The following RBM33 variants were observed in gnomAD, a reference collection of about 807,000 sequenced individuals.
RBM33 encodes the protein RNA-binding protein 33.
A neutral mutation model predicts 132.6 loss-of-function variants in RBM33; 28 were observed. The observed-to-expected ratio is 0.21, with a 90% CI of 0.16 to 0.29. RBM33 has a LOEUF of 0.29. RBM33 is among the 10% of genes least tolerant of loss of function. The pLI is 1.00. For missense variants in RBM33, 1,291 were observed against 1,518.5 expected, an observed-to-expected ratio of 0.85 and a Z score of 2.49; for synonymous variants, 634 against 593.0, an observed-to-expected ratio of 1.07 and a Z score of -1.01.
At chr7:155,739,400 A>G in intron 11 of RBM33, 1 of 284,626 alleles carries the variant, frequency 3.5e-6, no homozygotes, top group African/African-American at 2.2e-5. Context: ...GCATGTGTGT[A>G]TACTGGTTTC....
At chr7:155,753,666 G>A (rs1024566051) in intron 14 of RBM33, among the ~76,000 whole-genome samples, 1 of 152,176 alleles carries the variant, frequency 6.6e-6, no homozygotes, top group African/African-American at 2.4e-5. Flanking sequence ...GGCCAGTTCT[G>A]GGAAGACTAG....
At chr7:155,673,364 T>C (rs1263578930) in intron 3 of RBM33, among the ~76,000 whole-genome samples, 4 of 151,916 alleles carry the variant, frequency 2.6e-5, no homozygotes, top group Middle Eastern at 3.4e-3. Context: ...CTAAATCTTT[T>C]TGATGAAATA....
At chr7:155,746,239 A>G (rs1466938222) in intron 14 of RBM33, among the ~76,000 whole-genome samples, 1 of 152,198 alleles carries the variant, frequency 6.6e-6, no homozygotes, top group Non-Finnish European at 1.5e-5. Flanking sequence ...TTTGTGGTGT[A>G]TAGCTTTAGA....
chr7:155,655,681 T>TA (rs1422062813), intron 1 of RBM33, among the ~76,000 whole-genome samples: 1 of 152,050 alleles, frequency 6.6e-6, no homozygotes, highest in Non-Finnish European at 1.5e-5. Flanking sequence ...AAAGTGCATT[T>TA]AAAAAATCTT....
At chr7:155,744,161 A>G (rs575597393) in intron 13 of RBM33, among the ~76,000 whole-genome samples, 1 of 152,372 alleles carries the variant, frequency 6.6e-6, no homozygotes, top group East Asian at 1.9e-4. Flanking sequence ...AAATAGCTGA[A>G]TTCTAGATAG....
chr7:155,698,724 T>C (rs965010398), intron 5 of RBM33, among the ~76,000 whole-genome samples: 5 of 152,240 alleles, frequency 3.3e-5, no homozygotes, highest in African/African-American at 1.2e-4. Flanking sequence ...TGGTTACCAG[T>C]GTAATTTTGT....
Position 155,774,933 on chromosome 7 carries a change from T to G in RBM33, c.3465-60T>G. 1 of 1,520,712 alleles carries G rather than the reference T, an allele frequency of 6.6e-7. No homozygotes were observed. 94.2% of individuals were successfully genotyped at this position (1,520,712 alleles called of 1,614,324 possible). ...CGGGCTCTTTTAGTTTCCTCCCACC[T>G]TGGTAGGTTGATTGCCGATGTGCAG... On this transcript the variant is annotated intron_variant, in intron 17 of 17. Coordinates refer to ENST00000401878, the MANE Select transcript of RBM33 (RefSeq NM_053043.3). The surrounding 1 kb of genome is among the most constrained non-coding windows in gnomAD (Gnocchi z 4.2).
chr7:155,690,722 T>C lies in RBM33; in HGVS notation c.567+9814T>C, dbSNP rs199747606. ...TAAAGAATTTTATTTCTCCTTCACT[T>C]ATGAAGCTTAGTTTGGCTGGATATG... On this transcript the variant is annotated intron_variant, in intron 5 of 17. Transcript: ENST00000401878. Among the ~76,000 whole-genome samples the C allele has an allele frequency of 5.9e-5, 9 of 152,318 alleles. No individual in the cohort carries two copies. In the East Asian group the frequency reaches 1.7e-3, roughly 29 times the overall value.
At position 155,774,885 on chromosome 7, in the gene RBM33, C is replaced by T. The variant is rs1010814992; in HGVS notation, c.3465-108C>T. 6.1e-5 allele frequency: 60 copies of T among 977,358 alleles called. 1 individual carries two copies. In the Middle Eastern group the frequency reaches 1.2e-3, roughly 19 times the overall value. 60.5% of individuals were successfully genotyped at this position (977,358 alleles called of 1,614,324 possible). On this transcript the variant is annotated intron_variant, in intron 17 of 17. Transcript: ENST00000401878. This position sits in a 1 kb window ranked among gnomAD's most constrained non-coding sequence, Gnocchi z 4.2. ...GGGGAATCTGCCTTTTTATATGATGCGTTTTTATTAAACAGGACCCACCGG... is the reference window on the plus strand; with the variant it reads ...GGGGAATCTGCCTTTTTATATGATGTGTTTTTATTAAACAGGACCCACCGG...
chr7:155,706,721 T>A, intron 6 of RBM33, 139 bp from the exon 7 acceptor site: 1 of 646,726 alleles, frequency 1.5e-6, no homozygotes, highest in Non-Finnish European at 2.7e-6. Flanking sequence ...TACTTGCCGC[T>A]GCTAGTTGGG....
intron 1 of RBM33, among the ~76,000 whole-genome samples, chr7:155,651,195 G>A (rs1432675540): frequency 6.6e-6 from 1 of 152,106 alleles, no homozygotes; most frequent in Non-Finnish European, 1.5e-5. Context: ...TCTTGAGTGT[G>A]TGTGTTGAAG....
intron 13 of RBM33, among the ~76,000 whole-genome samples, chr7:155,743,658 G>A (rs975440707): frequency 6.6e-5 from 10 of 152,014 alleles, no homozygotes; most frequent in African/African-American, 1.5e-4. Context: ...ACTTATTTTC[G>A]TATGTTCACC....
chr7:155,766,369 T>G (rs1299837719), intron 15 of RBM33, 98 bp from the exon 16 acceptor site: 1 of 1,346,208 alleles, frequency 7.4e-7, no homozygotes, highest in African/African-American at 1.5e-5. Flanking sequence ...ATGGTATATT[T>G]TAATGGATTC....
chr7:155,713,161 C>T lies in RBM33; in HGVS notation c.1201+1706C>T, dbSNP rs906817022. On this transcript the variant is annotated intron_variant, in intron 8 of 17. Transcript: ENST00000401878. ...GCATTTAGAGGGCTGGTCTGGTTGCCATCACCTGAGGTGGGGAGATCAAAA... is the reference window on the plus strand; with the variant it reads ...GCATTTAGAGGGCTGGTCTGGTTGCTATCACCTGAGGTGGGGAGATCAAAA... Among the ~76,000 whole-genome samples, 12 of 152,108 alleles carry T rather than the reference C, an allele frequency of 7.9e-5. 1 individual carries two copies. The highest frequency in any genetic ancestry group is 4.6e-4 in the Admixed American group (7 of 15,264).
chr7:155,680,908 A>G lies in RBM33; in HGVS notation c.567A>G (p.Thr189=). The G allele has an allele frequency of 6.2e-7, 1 of 1,611,234 alleles. No individual in the cohort carries two copies. The highest frequency in any genetic ancestry group is 1.3e-5 in the African/African-American group (1 of 74,958). ...TCAATGAACCTTTAGATGAATTTAC[A>G]GTGAGTCTTTTCTCCTTTGTATGGC... ...IEINEPLDEF[T]GGMETLELQK... is the part of the protein sequence containing the mutation. Residue 189 remains threonine, a splice_region_variant and synonymous_variant, in exon 5 of 18, where the codon ACA becomes ACG. Coordinates refer to ENST00000401878, the MANE Select transcript of RBM33 (RefSeq NM_053043.3).
intron 14 of RBM33, among the ~76,000 whole-genome samples, chr7:155,760,494 G>C (rs1371929024): frequency 6.6e-6 from 1 of 152,204 alleles, no homozygotes; most frequent in African/African-American, 2.4e-5. Context: ...AGGTTGGTGT[G>C]AAGTGTTCGC....
chr7:155,728,303 TG>T (rs1174719465), intron 9 of RBM33, among the ~76,000 whole-genome samples: 1 of 152,144 alleles, frequency 6.6e-6, no homozygotes, highest in Non-Finnish European at 1.5e-5. Flanking sequence ...TAAAGGTCAG[TG>T]GGTACTTCAG....
intron 15 of RBM33, among the ~76,000 whole-genome samples, chr7:155,765,147 G>A (rs556128569): frequency 6.6e-6 from 1 of 152,288 alleles, no homozygotes; most frequent in South Asian, 2.1e-4. Context: ...CTGTGACTGA[G>A]GGTCATGATG....
intron 14 of RBM33, among the ~76,000 whole-genome samples, chr7:155,755,164 T>C (rs1920449): frequency 2.6e-5 from 4 of 152,068 alleles, no homozygotes; most frequent in African/African-American, 9.7e-5. Flanking sequence ...AGCATTGTTG[T>C]AGTTAATAGA....
Sources: gnomAD v4.1 joint callset for allele counts (sites outside exome capture counted in the v4.1 genomes callset) on GRCh38, gnomAD v4.1.1 for gene constraint, Gnocchi (gnomAD v3.1) non-coding constraint, MANE v1.5 for transcripts, NCBI Gene and HGNC (gene_info 2026-07-23, HGNC 2026-07-21) for gene names.